CDH13: variants seen among roughly 807,000 people sequenced by gnomAD.
CDH13 encodes cadherin 13.
Under a neutral mutation model 63.8 loss-of-function variants are expected in CDH13, and 24 were observed. The observed-to-expected ratio is 0.38, with a 90% CI of 0.27 to 0.53. CDH13 has a LOEUF of 0.53. Among genes scored for constraint, CDH13 ranks in the 20% least tolerant of loss-of-function variants. CDH13 has a pLI of 0.85. For synonymous variants in CDH13, 503 were observed against 355.3 expected (o/e 1.42, Z -4.67); for missense variants, 1,049 against 903.1 (o/e 1.16, Z -2.07).
intron 7 of CDH13, among the ~76,000 whole-genome samples, chr16:83,562,209 C>A (rs547295450): frequency 8.5e-5 from 13 of 152,166 alleles, no homozygotes; most frequent in African/African-American, 2.9e-4. Context: ...TAGTTCAGAA[C>A]AGGAATCTTC....
At chr16:83,093,987 G>C (rs981103486) in intron 3 of CDH13, among the ~76,000 whole-genome samples, 14 of 152,200 alleles carry the variant, frequency 9.2e-5, no homozygotes, top group Non-Finnish European at 1.5e-4. Flanking sequence ...TCATAGAAAA[G>C]GTGATCTTTG....
intron 2 of CDH13, among the ~76,000 whole-genome samples, chr16:82,872,617 C>T (rs753443241): frequency 2.0e-5 from 3 of 152,152 alleles, no homozygotes; most frequent in Non-Finnish European, 4.4e-5. Flanking sequence ...AATAGAGGTG[C>T]CCTCTATTTG....
chr16:83,674,461 C>T (rs997093021), intron 9 of CDH13, among the ~76,000 whole-genome samples: 3 of 152,204 alleles, frequency 2.0e-5, no homozygotes, highest in Non-Finnish European at 2.9e-5. Context: ...TTCTAAGGGT[C>T]CCCCGGCCAA....
rs77086758 is a variant in CDH13 at position 83,751,699 on chromosome 16, G to T, written c.1681+3449G>T. ...GCGCAAGCATAACATAAACGGACCA[G>T]AGGGGAAGAACCTAGATAACATCTG... On this transcript the variant is annotated intron_variant, in intron 11 of 13. Transcript: ENST00000567109. Among the ~76,000 whole-genome samples, 4 of 152,238 alleles carry T rather than the reference G, an allele frequency of 2.6e-5. No individual in the cohort carries two copies. In the East Asian group the frequency reaches 7.7e-4, roughly 29 times the overall value.
intron 8 of CDH13, among the ~76,000 whole-genome samples, chr16:83,612,822 T>C (rs1908970703): frequency 6.6e-6 from 1 of 152,172 alleles, no homozygotes; most frequent in African/African-American, 2.4e-5. Flanking sequence ...TCCTCCTACC[T>C]TCTGAGATAT....
At chr16:83,386,253 G>A (rs903842436) in intron 6 of CDH13, among the ~76,000 whole-genome samples, 10 of 152,288 alleles carry the variant, frequency 6.6e-5, no homozygotes, top group East Asian at 1.9e-4. Flanking sequence ...GTGTGGCCAC[G>A]ATCTCTTGAC....
intron 5 of CDH13, among the ~76,000 whole-genome samples, chr16:83,292,659 GA>G (rs2089492706): frequency 6.6e-6 from 1 of 152,028 alleles, no homozygotes. Flanking sequence ...TGATAAAAAT[GA>G]TTACAAATAT....
intron 4 of CDH13, among the ~76,000 whole-genome samples, chr16:83,196,349 GA>G (rs1160608338): frequency 6.6e-6 from 1 of 152,092 alleles, no homozygotes; most frequent in African/African-American, 2.4e-5. Flanking sequence ...AAAAAAGTAG[GA>G]AAAAATCTTA....
intron 2 of CDH13, among the ~76,000 whole-genome samples, chr16:82,915,845 C>A (rs1464148802): frequency 6.7e-6 from 1 of 149,442 alleles, no homozygotes; most frequent in Admixed American, 6.8e-5. Flanking sequence ...CATTTTTTGG[C>A]ATACTAGACC....
chr16:82,646,114 G>C (rs1910060567), intron 1 of CDH13: 1 of 152,258 alleles, frequency 6.6e-6, no homozygotes, highest in African/African-American at 2.4e-5. Context: ...GTCCCTGACT[G>C]ATAACCAAAG....
intron 7 of CDH13, among the ~76,000 whole-genome samples, chr16:83,487,587 A>G (rs1336689842): frequency 1.3e-5 from 2 of 152,188 alleles, no homozygotes; most frequent in Non-Finnish European, 2.9e-5. Context: ...ACCTCCAAAC[A>G]CAGCATCCTT....
chr16:83,777,421 G>A (rs1456813177), intron 11 of CDH13, among the ~76,000 whole-genome samples: 2 of 152,344 alleles, frequency 1.3e-5, no homozygotes, highest in East Asian at 3.9e-4. Flanking sequence ...GCTGCGCTGA[G>A]TCTTGGCAGA....
chr16:83,026,543 G>A (rs553927241), intron 2 of CDH13, among the ~76,000 whole-genome samples: 70 of 152,252 alleles, frequency 4.6e-4, no homozygotes, highest in Non-Finnish European at 7.6e-4. Flanking sequence ...TATACTTGTA[G>A]TACCTAAACA....
chr16:83,176,249 C>T (rs1276343679), intron 4 of CDH13, among the ~76,000 whole-genome samples: 2 of 151,902 alleles, frequency 1.3e-5, no homozygotes, highest in Admixed American at 6.6e-5. Flanking sequence ...TGGTGGCTCA[C>T]GCCTGTAATC....
chr16:83,163,958 C>T (rs982646595), intron 4 of CDH13, among the ~76,000 whole-genome samples: 3 of 152,044 alleles, frequency 2.0e-5, no homozygotes, highest in African/African-American at 4.8e-5. Flanking sequence ...AACATAAAAC[C>T]TTACCGTGTG....
intron 1 of CDH13, among the ~76,000 whole-genome samples, chr16:82,679,138 C>T (rs1292968980): frequency 2.0e-5 from 3 of 152,218 alleles, no homozygotes; most frequent in Non-Finnish European, 2.9e-5. Flanking sequence ...AGCTCCTTTG[C>T]ATTCCCAAAC....
chr16:82,905,569 C>G (rs373888395), intron 2 of CDH13, among the ~76,000 whole-genome samples: 13 of 151,884 alleles, frequency 8.6e-5, no homozygotes, highest in African/African-American at 3.1e-4. Context: ...GTATCAGAAA[C>G]CACATTTTCC....
intron 2 of CDH13, among the ~76,000 whole-genome samples, chr16:82,901,360 GTGTGTGTC>G (rs1239678690): frequency 2.4e-4 from 36 of 150,222 alleles, no homozygotes; most frequent in South Asian, 1.3e-3. Context: ...GTGTGTGTGT[GTGTGTGTC>G]TGATGATTGG....
intron 1 of CDH13, among the ~76,000 whole-genome samples, chr16:82,648,239 C>G (rs3844413): frequency 6.6e-6 from 1 of 152,030 alleles, no homozygotes; most frequent in Non-Finnish European, 1.5e-5. Flanking sequence ...GGAAGTAATA[C>G]ACATCTGAGA....
Sources: allele counts gnomAD v4.1 joint callset (sites outside exome capture counted in the v4.1 genomes callset), GRCh38; gene constraint gnomAD v4.1.1; transcripts MANE v1.5; gene names NCBI Gene and HGNC (gene_info 2026-07-23, HGNC 2026-07-21).